The following AGBL3 variants were observed in gnomAD, a reference collection of about 807,000 sequenced individuals.
AGBL3 encodes cytosolic carboxypeptidase 3.
AGBL3 carries 68 observed loss-of-function variants against 94.5 expected under a neutral mutation model. That is an observed-to-expected ratio of 0.72 (90% CI 0.59 to 0.88). The LOEUF is 0.88. Among genes scored for constraint, AGBL3 ranks in the 40% least tolerant of loss-of-function variants. The probability of loss-of-function intolerance (pLI) is 0.00; values close to 1 mark genes in which losing one functional copy is unlikely to be tolerated. For synonymous variants in AGBL3, 354 were observed against 370.7 expected (o/e 0.95, Z 0.52); for missense variants, 934 against 1,103.8 (o/e 0.85, Z 2.18).
intron 1 of AGBL3, among the ~76,000 whole-genome samples, chr7:134,987,552 C>A (rs541010234): frequency 2.0e-5 from 3 of 152,128 alleles, no homozygotes; most frequent in Non-Finnish European, 4.4e-5. Context: ...AATTCATTAT[C>A]TTTTAATGCC....
intron 5 of AGBL3, among the ~76,000 whole-genome samples, chr7:135,030,034 A>G (rs181444619): frequency 1.2e-3 from 188 of 152,222 alleles, no homozygotes; most frequent in Non-Finnish European, 2.2e-3. Flanking sequence ...CATAATAGAT[A>G]TCATAATAAT....
At position 135,034,310 on chromosome 7, in the gene AGBL3, G is replaced by T. The variant is rs200274325; in HGVS notation, c.719G>T (p.Arg240Leu). Residue 240 changes from arginine to leucine, a missense_variant, in exon 7 of 17, where the codon CGC becomes CTC. Arg to Leu is a moderately radical substitution (Grantham distance 102). This residue lies in a region of AGBL3 where 488 missense variants were observed against 563.6 expected (regional missense o/e 0.87). Coordinates refer to ENST00000436302, the MANE Select transcript of AGBL3 (RefSeq NM_178563.4). Reference protein sequence around the residue: ...KPASLYSRGMRPLFYSEKEAK... With the variant: ...KPASLYSRGMLPLFYSEKEAK... ...GCTAGTCTTTACAGTCGGGGTATGCGCCCACTGTTCTATTCTGAAAAAGAG... is the reference window on the plus strand; with the variant it reads ...GCTAGTCTTTACAGTCGGGGTATGCTCCCACTGTTCTATTCTGAAAAAGAG... The T allele has an allele frequency of 6.4e-7, 1 of 1,551,618 alleles. No homozygotes were observed. Among genetic ancestry groups the T allele is most frequent in the Non-Finnish European group, 8.7e-7 (1 of 1,146,982 alleles).
rs6956547 is a variant in AGBL3 at position 135,089,173 on chromosome 7, A to G, written c.2110+7383A>G. 7.1e-3 allele frequency among the ~76,000 whole-genome samples: 1,070 copies of G among 150,196 alleles called. 15 individuals carry two copies. Among genetic ancestry groups the G allele is most frequent in the African/African-American group, 0.025 (1,020 of 40,852 alleles). On this transcript the variant is annotated intron_variant, in intron 15 of 16. Coordinates refer to ENST00000436302, the MANE Select transcript of AGBL3 (RefSeq NM_178563.4). ...ATCAAAGCTCTTTATTGTAATTTTTATTTCATTCATTGAATGTTTCAGCTG... is the reference window on the plus strand; with the variant it reads ...ATCAAAGCTCTTTATTGTAATTTTTGTTTCATTCATTGAATGTTTCAGCTG...
intron 16 of AGBL3, chr7:135,115,880 G>T: frequency 3.2e-6 from 1 of 310,866 alleles, no homozygotes. Context: ...AATAAAGTAT[G>T]ATTATAGCCT....
intron 12 of AGBL3, among the ~76,000 whole-genome samples, chr7:135,060,600 C>A (rs1446633066): frequency 2.0e-5 from 3 of 152,142 alleles, no homozygotes; most frequent in Non-Finnish European, 4.4e-5. Context: ...CTACTCTCAA[C>A]TTCTATGAAT....
chr7:135,018,183 G>C (rs1306182138), intron 5 of AGBL3, among the ~76,000 whole-genome samples: 1 of 152,172 alleles, frequency 6.6e-6, no homozygotes, highest in Non-Finnish European at 1.5e-5. Context: ...GGCCTGAAAG[G>C]GTGAGAAGAC....
rs1163148757 is a variant in AGBL3, at chr7:135,081,736, C to T, written c.2056C>T (p.Pro686Ser). 3 of 1,540,574 alleles carry T rather than the reference C, an allele frequency of 1.9e-6. No individual in the cohort carries two copies. The East Asian group carries it at 7.4e-5, about 38-fold the overall frequency. The change falls in exon 15 of 17, where the codon CCA (proline) becomes TCA (serine). Residue 686 changes from proline (P) to serine (S), a missense_variant. Physicochemically the swap from Pro to Ser is moderately conservative, Grantham distance 74. Around this residue, in one of 3 missense-constraint regions of AGBL3, gnomAD observed 441 missense variants for 518.2 expected, o/e 0.85. Transcript: ENST00000436302. ...SDVKDTRPNE[P>S]DDYMVDYFRR... ...TTCTCTAGATACAAGGCCAAATGAA[C>T]CAGATGATTATATGGTTGATTATTT... is the stretch of plus-strand genomic sequence containing the variant.
Position 135,034,133 on chromosome 7 carries a change from C to G in AGBL3, c.558-16C>G, listed in dbSNP as rs191258986. 3.5e-5 allele frequency: 48 copies of G among 1,382,556 alleles called. No homozygotes were observed. The East Asian group carries it at 1.3e-3, about 38-fold the overall frequency. 85.6% of individuals were successfully genotyped at this position (1,382,556 alleles called of 1,614,324 possible). ...CATTCTTACGTGCTTTTTTCCCTTTCTTTCTTGTGTATTAGGGCAGAATAC... is the reference window on the plus strand; with the variant it reads ...CATTCTTACGTGCTTTTTTCCCTTTGTTTCTTGTGTATTAGGGCAGAATAC... On this transcript the variant is annotated splice_polypyrimidine_tract_variant and intron_variant, in intron 6 of 16. Coordinates refer to ENST00000436302, the MANE Select transcript of AGBL3 (RefSeq NM_178563.4).
intron 4 of AGBL3, among the ~76,000 whole-genome samples, chr7:135,002,424 T>G (rs753142558): frequency 6.6e-6 from 1 of 152,050 alleles, no homozygotes; most frequent in Admixed American, 6.6e-5. Flanking sequence ...TGTCCAGAGT[T>G]TCTATTAGGG....
chr7:134,993,712 T>C (rs12540686), intron 4 of AGBL3, 34 bp downstream of exon 4: 420,277 of 1,437,436 alleles, frequency 0.29, 64,474 homozygotes, highest in South Asian at 0.41. Flanking sequence ...ATTCAGACAT[T>C]AGCAAACTTA....
At chr7:135,124,312 T>C (rs541228987) in intron 16 of AGBL3, among the ~76,000 whole-genome samples, 1 of 151,896 alleles carries the variant, frequency 6.6e-6, no homozygotes, top group South Asian at 2.1e-4. Context: ...GGGTATTACA[T>C]AATGGTAAAG....
At chr7:135,079,352 C>T (rs1820728279) in intron 13 of AGBL3, among the ~76,000 whole-genome samples, 1 of 151,964 alleles carries the variant, frequency 6.6e-6, no homozygotes, top group African/African-American at 2.4e-5. Context: ...CAGTTTTCTC[C>T]CATTTTCATA....
At chr7:135,080,700 T>C (rs147915925) in intron 14 of AGBL3, among the ~76,000 whole-genome samples, 37 of 151,336 alleles carry the variant, frequency 2.4e-4, no homozygotes, top group Middle Eastern at 3.5e-3. Flanking sequence ...TACTGCAACC[T>C]GCTAAGTCTG....
Position 135,076,474 on chromosome 7 carries a change from T to A in AGBL3, c.1980+6T>A. ...AAAATGCCAGAGGACAAGAGGTAAA[T>A]CTTCATTAATCTAGTTATTAAGGTT... On this transcript the variant is annotated splice_donor_region_variant and intron_variant, in intron 13 of 16. Transcript: ENST00000436302. The A allele has an allele frequency of 6.6e-7, 1 of 1,526,664 alleles. No homozygotes were observed. The highest frequency in any genetic ancestry group is 8.9e-7 in the Non-Finnish European group (1 of 1,125,804). The allele number at this position is 1,526,664 out of a possible 1,614,324, so 94.6% of individuals were successfully genotyped here. A position where few individuals can be genotyped will look rare whatever the true frequency, so the allele number is the denominator to read the frequency against.
chr7:135,129,196 C>T (rs1405936670), intron 16 of AGBL3: 1 of 1,418,724 alleles, frequency 7.0e-7, no homozygotes, highest in African/African-American at 1.4e-5. Flanking sequence ...GTGTACTGCC[C>T]CCACGCATGC....
chr7:135,032,809 A>T, intron 5 of AGBL3, 35 bp from the exon 6 acceptor site: 1 of 1,525,490 alleles, frequency 6.6e-7, no homozygotes, highest in Non-Finnish European at 8.8e-7. Context: ...CTTTAGGTAT[A>T]CCTTGACATC....
intron 15 of AGBL3, among the ~76,000 whole-genome samples, chr7:135,089,446 C>G (rs184681769): frequency 6.6e-6 from 1 of 152,276 alleles, no homozygotes; most frequent in East Asian, 1.9e-4. Flanking sequence ...TGTGTCCCTG[C>G]ATTGATGCCT....
intron 5 of AGBL3, among the ~76,000 whole-genome samples, chr7:135,018,055 TAA>T (rs1161848224): frequency 6.6e-6 from 1 of 152,182 alleles, no homozygotes; most frequent in East Asian, 1.9e-4. Context: ...AGTAATTTAA[TAA>T]AGTTTAATTA....
At chr7:134,988,212 G>T in intron 2 of AGBL3, 3 of 364,048 alleles carry the variant, frequency 8.2e-6, no homozygotes, top group Non-Finnish European at 1.5e-5. Flanking sequence ...TTTTTTTTGA[G>T]AAAATATTTT....
Sources: gnomAD v4.1 joint callset for allele counts (sites outside exome capture counted in the v4.1 genomes callset) on GRCh38, gnomAD v4.1.1 for gene constraint, gnomAD v4.1.1 regional missense constraint, MANE v1.5 for transcripts, NCBI Gene and HGNC (gene_info 2026-07-23, HGNC 2026-07-21) for gene names.